The following SIPA1L3 variants were observed in gnomAD, a reference collection of about 807,000 sequenced individuals.
SIPA1L3 encodes the protein signal-induced proliferation-associated 1-like protein 3.
In SIPA1L3, 59 loss-of-function variants were observed where a neutral mutation model predicts 150.1. The ratio of observed to expected loss-of-function variants is 0.39; its 90% confidence interval spans 0.32 to 0.49. SIPA1L3 has a LOEUF of 0.49. Among genes scored for constraint, SIPA1L3 ranks in the 20% least tolerant of loss-of-function variants. The pLI is 0.86. For synonymous variants in SIPA1L3, 1,070 were observed against 1,077.6 expected, an observed-to-expected ratio of 0.99 and a Z score of 0.14; for missense variants, 2,211 against 2,489.5, an observed-to-expected ratio of 0.89 and a Z score of 2.38.
At chr19:38,000,912 C>CAA (rs1568495940) in intron 1 of SIPA1L3, among the ~76,000 whole-genome samples, 5 of 138,060 alleles carry the variant, frequency 3.6e-5, no homozygotes, top group African/African-American at 1.3e-4. Flanking sequence ...ATATATATAA[C>CAA]ATATATATAA....
intron 1 of SIPA1L3, among the ~76,000 whole-genome samples, chr19:38,003,511 A>G (rs754552064): frequency 5.3e-5 from 8 of 152,200 alleles, no homozygotes; most frequent in Non-Finnish European, 1.0e-4. Context: ...GGGCGTTGCT[A>G]TGGAAGCAGC....
At chr19:38,143,436 C>G (rs145488395) in intron 12 of SIPA1L3, among the ~76,000 whole-genome samples, 3 of 152,056 alleles carry the variant, frequency 2.0e-5, no homozygotes, top group Non-Finnish European at 4.4e-5. Flanking sequence ...CTCCTCCTTT[C>G]CCTGTTCTCT....
chr19:38,034,676 C>G (rs961764331), intron 2 of SIPA1L3, among the ~76,000 whole-genome samples: 1 of 152,198 alleles, frequency 6.6e-6, no homozygotes. Flanking sequence ...CCCTGTGTAA[C>G]TAACTACCTC....
intron 10 of SIPA1L3, among the ~76,000 whole-genome samples, 178 bp from the exon 11 acceptor site, chr19:38,141,006 C>T (rs1971564320): frequency 7.3e-6 from 1 of 137,750 alleles, no homozygotes; most frequent in Non-Finnish European, 1.5e-5. Flanking sequence ...TGCAGTGAGC[C>T]AACATCATGC....
chr19:38,131,688 A>G (rs1316468371), intron 10 of SIPA1L3: 2 of 157,368 alleles, frequency 1.3e-5, no homozygotes, highest in East Asian at 1.9e-4. Context: ...GCTGAAGTGC[A>G]GTGGCGTGAT....
chr19:38,132,835 C>T (rs924813990), intron 10 of SIPA1L3, among the ~76,000 whole-genome samples: 22 of 151,862 alleles, frequency 1.4e-4, no homozygotes, highest in Admixed American at 1.2e-3. Context: ...TTTAGTAGAG[C>T]TGGGGTTTCA....
In SIPA1L3 at chr19:38,140,580, C is replaced by T. The variant is rs538105550; in HGVS notation, c.3144-604C>T. On this transcript the variant is annotated intron_variant, in intron 10 of 21. Coordinates refer to ENST00000222345, the MANE Select transcript of SIPA1L3 (RefSeq NM_015073.3). ...TCGAGGACACTGGCGGCCTGGCAGCCGTGTGGCCTGGGTCAGGTAGAAGCG... is the reference window on the plus strand; with the variant it reads ...TCGAGGACACTGGCGGCCTGGCAGCTGTGTGGCCTGGGTCAGGTAGAAGCG... Among the ~76,000 whole-genome samples the T allele has an allele frequency of 2.0e-3, 302 of 152,196 alleles. 2 individuals carry two copies. Among genetic ancestry groups the T allele is most frequent in the African/African-American group, 6.8e-3 (282 of 41,536 alleles).
In SIPA1L3 at chr19:38,018,156, C is replaced by CTTTTTTTTTTTTTTTTTTT. The variant is rs34874664; in HGVS notation, c.-378-10925_-378-10907dup. On this transcript the variant is annotated intron_variant, in intron 1 of 21. Coordinates refer to ENST00000222345, the MANE Select transcript of SIPA1L3 (RefSeq NM_015073.3). ...TCAGTCTGGATAGCCCTTTGAGTGT[C>CTTTTTTTTTTTTTTTTTTT]TTTTTTTTTTTTTTTTTTTTTTTTT... 3.3e-5 allele frequency among the ~76,000 whole-genome samples: 2 copies of CTTTTTTTTTTTTTTTTTTT among 61,328 alleles called. 1 individual carries two copies. The highest frequency in any genetic ancestry group is 1.5e-4 in the African/African-American group (2 of 13,660). 40.2% of individuals were successfully genotyped at this position (61,328 alleles called of 152,430 possible). A position where few individuals can be genotyped will look rare whatever the true frequency, so the allele number is the denominator to read the frequency against.
chr19:38,143,499 A>C (rs1971637729), intron 12 of SIPA1L3, among the ~76,000 whole-genome samples: 2 of 129,378 alleles, frequency 1.5e-5, no homozygotes, highest in Non-Finnish European at 1.6e-5. Flanking sequence ...CCCCTGGTCT[A>C]CCCTCCACTC....
intron 10 of SIPA1L3, among the ~76,000 whole-genome samples, chr19:38,133,768 G>A (rs1478676067): frequency 6.6e-6 from 1 of 152,128 alleles, no homozygotes; most frequent in African/African-American, 2.4e-5. Flanking sequence ...TTCCTCATTT[G>A]TAAAACAAGG....
At chr19:38,048,787 T>C (rs768767277) in intron 2 of SIPA1L3, among the ~76,000 whole-genome samples, 1 of 152,130 alleles carries the variant, frequency 6.6e-6, no homozygotes, top group Non-Finnish European at 1.5e-5. Context: ...CCACCCTCAG[T>C]TAACACCCAA....
chr19:38,120,467 G>T (rs1367289928), intron 9 of SIPA1L3, among the ~76,000 whole-genome samples: 1 of 151,876 alleles, frequency 6.6e-6, no homozygotes, highest in Admixed American at 6.6e-5. Flanking sequence ...ATGAGACCCT[G>T]TCTCAAAAAC....
At chr19:38,072,741 C>CT in intron 2 of SIPA1L3, among the ~76,000 whole-genome samples, 1 of 152,364 alleles carries the variant, frequency 6.6e-6, no homozygotes, top group Non-Finnish European at 1.5e-5. Context: ...AAAGGGAAGT[C>CT]GGGACTGTTG....
intron 1 of SIPA1L3, among the ~76,000 whole-genome samples, chr19:37,930,292 G>A (rs1326590264): frequency 1.3e-5 from 2 of 151,936 alleles, no homozygotes; most frequent in African/African-American, 4.8e-5. Flanking sequence ...GATTACAGGC[G>A]TGAGCCACCG....
chr19:38,136,729 T>G (rs1448386862), intron 10 of SIPA1L3, among the ~76,000 whole-genome samples: 1 of 152,184 alleles, frequency 6.6e-6, no homozygotes, highest in East Asian at 1.9e-4. Context: ...TTCTGATGCG[T>G]GTAATCTGGG....
intron 2 of SIPA1L3, among the ~76,000 whole-genome samples, chr19:38,058,776 G>A (rs1258121802): frequency 2.0e-5 from 3 of 152,030 alleles, no homozygotes; most frequent in Admixed American, 6.5e-5. Context: ...TGTAATCCCA[G>A]CACTTTGGGT....
Position 38,142,630 on chromosome 19 carries a change from C to T in SIPA1L3, c.3453C>T (p.Val1151=), listed in dbSNP as rs369777764. Residue 1151 remains valine (V), a synonymous_variant, in exon 12 of 22, where the codon GTC becomes GTT. Coordinates refer to ENST00000222345, the MANE Select transcript of SIPA1L3 (RefSeq NM_015073.3). ...YTVSPAGADR[V]PPYRQPSGSF... ...TATCACCAGCAGGGGCCGACAGAGT[C>T]CCTCCCTACCGACAGCCTTCTGGGA... 6.2e-7 allele frequency: 1 copy of T among 1,613,904 alleles called. No individual in the cohort carries two copies. The highest frequency in any genetic ancestry group is 2.2e-5 in the East Asian group (1 of 44,894).
chr19:38,152,166 G>A (rs332847), intron 12 of SIPA1L3, among the ~76,000 whole-genome samples: 12,828 of 152,070 alleles, frequency 0.084, 684 homozygotes, highest in Middle Eastern at 0.14. Flanking sequence ...TGAGCTGGGC[G>A]TGGTAGAACA....
At chr19:37,917,494 A>T (rs1227258769) in intron 1 of SIPA1L3, among the ~76,000 whole-genome samples, 1 of 152,216 alleles carries the variant, frequency 6.6e-6, no homozygotes, top group Admixed American at 6.5e-5. Flanking sequence ...CGGAGGTGCC[A>T]GGGACTACAG....
Sources: allele counts gnomAD v4.1 joint callset (sites outside exome capture counted in the v4.1 genomes callset), GRCh38; gene constraint gnomAD v4.1.1; transcripts MANE v1.5; gene names NCBI Gene and HGNC (gene_info 2026-07-23, HGNC 2026-07-21).